The following RORB variants were observed in gnomAD, a reference collection of about 807,000 sequenced individuals.
RORB encodes the protein nuclear receptor ROR-beta.
Under a neutral mutation model 59.1 loss-of-function variants are expected in RORB, and 6 were observed. That is an observed-to-expected ratio of 0.10 (90% CI 0.06 to 0.20). The LOEUF (loss-of-function observed/expected upper bound fraction) is 0.20. RORB is among the 10% of genes least tolerant of loss of function. The pLI is 1.00. For missense variants in RORB, 320 were observed against 560.5 expected, an observed-to-expected ratio of 0.57 and a Z score of 4.33; for synonymous variants, 215 against 204.5, an observed-to-expected ratio of 1.05 and a Z score of -0.44.
intron 1 of RORB, among the ~76,000 whole-genome samples, chr9:74,543,537 C>T (rs1826445528): frequency 1.3e-5 from 2 of 152,138 alleles, no homozygotes; most frequent in African/African-American, 2.4e-5. Context: ...ACATCAGTCC[C>T]AGAAATCATG....
chr9:74,568,569 G>A (rs969070183), intron 1 of RORB, among the ~76,000 whole-genome samples: 3 of 151,676 alleles, frequency 2.0e-5, no homozygotes, highest in Middle Eastern at 3.4e-3. Context: ...GTGTGGTGGT[G>A]GGCACCTATA....
intron 1 of RORB, among the ~76,000 whole-genome samples, chr9:74,608,409 A>G (rs969066598): frequency 6.6e-6 from 1 of 151,910 alleles, no homozygotes; most frequent in Non-Finnish European, 1.5e-5. Flanking sequence ...ACTAAAAAGA[A>G]AAAAATAAGC....
At chr9:74,568,593 G>A (rs186101895) in intron 1 of RORB, among the ~76,000 whole-genome samples, 16 of 151,500 alleles carry the variant, frequency 1.1e-4, no homozygotes, top group South Asian at 1.0e-3. Context: ...CCAGCTACTC[G>A]GGAGGCTGAG....
At chr9:74,559,305 G>C (rs1822359474) in intron 1 of RORB, among the ~76,000 whole-genome samples, 1 of 152,122 alleles carries the variant, frequency 6.6e-6, no homozygotes, top group Non-Finnish European at 1.5e-5. Flanking sequence ...GGAAGAGGTA[G>C]AGTGAATCAT....
chr9:74,679,058 CAAAA>C (rs201082469), intron 9 of RORB, among the ~76,000 whole-genome samples: 36 of 137,344 alleles, frequency 2.6e-4, no homozygotes, highest in African/African-American at 9.2e-4. Flanking sequence ...AACAAACAAA[CAAAA>C]AAAAAAACAA....
intron 2 of RORB, among the ~76,000 whole-genome samples, chr9:74,633,124 T>G (rs1823646652): frequency 6.6e-6 from 1 of 152,212 alleles, no homozygotes; most frequent in Non-Finnish European, 1.5e-5. Flanking sequence ...ATATTGGAGC[T>G]GAAGACAAAA....
intron 1 of RORB, among the ~76,000 whole-genome samples, chr9:74,504,398 T>C (rs1256951344): frequency 6.6e-6 from 1 of 152,178 alleles, no homozygotes; most frequent in Admixed American, 6.5e-5. Flanking sequence ...ATTAGAACAT[T>C]CTTGAAATAG....
intron 1 of RORB, 83 bp downstream of exon 1, chr9:74,498,066 A>C: frequency 6.7e-7 from 1 of 1,502,068 alleles, no homozygotes; most frequent in Non-Finnish European, 9.1e-7. Context: ...GAGGGCACCC[A>C]GCAGAAAGGG....
intron 1 of RORB, among the ~76,000 whole-genome samples, chr9:74,526,035 C>A (rs10869412): frequency 6.6e-6 from 1 of 151,722 alleles, no homozygotes; most frequent in Admixed American, 6.6e-5. Context: ...TCTTCACACA[C>A]GGTCTCTTTC....
chr9:74,667,188 G>T (rs1422303498), intron 7 of RORB, among the ~76,000 whole-genome samples: 1 of 152,202 alleles, frequency 6.6e-6, no homozygotes, highest in Non-Finnish European at 1.5e-5. Flanking sequence ...ATACGCAACA[G>T]CTAAGCAACT....
chr9:74,523,489 G>A (rs1370292880), intron 1 of RORB, among the ~76,000 whole-genome samples: 1 of 151,868 alleles, frequency 6.6e-6, no homozygotes, highest in Non-Finnish European at 1.5e-5. Flanking sequence ...TTAACTGGGA[G>A]AGATGCAAAG....
At chr9:74,555,296 T>TG (rs1183198974) in intron 1 of RORB, among the ~76,000 whole-genome samples, 1 of 152,214 alleles carries the variant, frequency 6.6e-6, no homozygotes, top group Non-Finnish European at 1.5e-5. Flanking sequence ...TGTACCACAG[T>TG]GGGGACCTTT....
intron 9 of RORB, among the ~76,000 whole-genome samples, chr9:74,676,039 C>T (rs925692432): frequency 1.4e-4 from 21 of 152,164 alleles, no homozygotes; most frequent in African/African-American, 5.1e-4. Flanking sequence ...TAAGGAAGGC[C>T]GGTCCAGCTG....
intron 1 of RORB, among the ~76,000 whole-genome samples, chr9:74,555,042 G>T (rs1480357881): frequency 1.3e-5 from 2 of 152,202 alleles, no homozygotes; most frequent in Non-Finnish European, 2.9e-5. Flanking sequence ...TATCTGAGGA[G>T]ATCAGTCATT....
chr9:74,677,892 C>T (rs1353903014), intron 9 of RORB, among the ~76,000 whole-genome samples: 7 of 151,942 alleles, frequency 4.6e-5, no homozygotes, highest in Non-Finnish European at 8.8e-5. Context: ...CATTTTTGTT[C>T]ACTCAATAAA....
At position 74,602,244 on chromosome 9, in the gene RORB, C is replaced by A. The variant is rs543833631; in HGVS notation, c.8-28038C>A. Among the ~76,000 whole-genome samples the A allele has an allele frequency of 7.2e-5, 11 of 152,258 alleles. No homozygotes were observed. In the East Asian group the frequency reaches 1.7e-3, roughly 24 times the overall value. ...TGTGCTTTTTTCCTCAGATAAAAAT[C>A]GCAAGATGTAAAATTTGTTATAGAA... On this transcript the variant is annotated intron_variant, in intron 1 of 9. Transcript: ENST00000376896.
At chr9:74,531,772 A>G (rs866885030) in intron 1 of RORB, among the ~76,000 whole-genome samples, 4 of 151,902 alleles carry the variant, frequency 2.6e-5, no homozygotes, top group South Asian at 4.2e-4. Context: ...CTCTTTCCAC[A>G]CTCCCCTAGT....
chr9:74,657,216 A>G (rs1002140104), intron 4 of RORB, among the ~76,000 whole-genome samples: 1 of 151,608 alleles, frequency 6.6e-6, no homozygotes, highest in Non-Finnish European at 1.5e-5. Context: ...CAGCTAATTT[A>G]TTTATTTATT....
At chr9:74,513,744 T>C (rs1181523057) in intron 1 of RORB, among the ~76,000 whole-genome samples, 3 of 152,114 alleles carry the variant, frequency 2.0e-5, no homozygotes, top group African/African-American at 7.2e-5. Flanking sequence ...TTATACATTT[T>C]CTTTTCAAAT....
Sources: gnomAD v4.1 joint callset for allele counts (sites outside exome capture counted in the v4.1 genomes callset) on GRCh38, gnomAD v4.1.1 for gene constraint, MANE v1.5 for transcripts, NCBI Gene and HGNC (gene_info 2026-07-23, HGNC 2026-07-21) for gene names.